Variants in TNS3 observed in about 807,000 individuals in gnomAD.
The protein encoded by TNS3 is tensin 3.
Under a neutral mutation model 140.9 loss-of-function variants are expected in TNS3, and 45 were observed. The observed-to-expected ratio is 0.32, with a 90% CI of 0.25 to 0.41. TNS3 has a LOEUF of 0.41. Ranked by LOEUF, TNS3 falls within the 10% of genes least tolerant of loss-of-function variation. The probability of loss-of-function intolerance (pLI) is 1.00; values close to 1 mark genes in which losing one functional copy is unlikely to be tolerated. For missense variants in TNS3, 1,716 were observed against 1,906.7 expected (o/e 0.90, Z 1.86); for synonymous variants, 815 against 788.4 (o/e 1.03, Z -0.56).
chr7:47,297,780 A>G (rs1322799581), intron 23 of TNS3, among the ~76,000 whole-genome samples: 1 of 151,674 alleles, frequency 6.6e-6, no homozygotes, highest in African/African-American at 2.4e-5. Context: ...CATAAAAGGA[A>G]AGAAGTTTTT....
At chr7:47,395,176 A>G (rs1033133148) in intron 16 of TNS3, among the ~76,000 whole-genome samples, 4 of 152,170 alleles carry the variant, frequency 2.6e-5, no homozygotes, top group Non-Finnish European at 5.9e-5. Context: ...CCTGTTCTCC[A>G]TGAGACTCGG....
At chr7:47,580,934 G>C (rs1029461113) in intron 1 of TNS3, among the ~76,000 whole-genome samples, 3 of 152,110 alleles carry the variant, frequency 2.0e-5, no homozygotes, top group Non-Finnish European at 2.9e-5. Context: ...AAAAAATGGG[G>C]GGAAAGCCAA....
At chr7:47,439,797 AC>A in intron 5 of TNS3, 139 bp from the exon 6 acceptor site, 1 of 828,546 alleles carries the variant, frequency 1.2e-6, no homozygotes, top group Non-Finnish European at 1.9e-6. Context: ...ACGGGAATTT[AC>A]AGTGTGTGCA....
At chr7:47,333,629 G>A (rs1229017117) in intron 20 of TNS3, among the ~76,000 whole-genome samples, 1 of 152,188 alleles carries the variant, frequency 6.6e-6, no homozygotes, top group Non-Finnish European at 1.5e-5. Context: ...AGGGAGTCGA[G>A]TACAGGAAAG....
chr7:47,360,018 C>T (rs1361520063), intron 17 of TNS3, among the ~76,000 whole-genome samples: 3 of 152,144 alleles, frequency 2.0e-5, no homozygotes, highest in East Asian at 3.9e-4. Flanking sequence ...ACCAAGGCCC[C>T]CTGCTTTGCA....
At position 47,471,694 on chromosome 7, in the gene TNS3, G is replaced by A. The variant is rs1043399815; in HGVS notation, c.-76+9409C>T. 3.3e-5 allele frequency among the ~76,000 whole-genome samples: 5 copies of A among 152,314 alleles called. No homozygotes were observed. The East Asian group carries it at 7.7e-4, about 24-fold the overall frequency. ...AGTCTGCTCCATCTGAGCAGAATGC[G>A]GCAGTTTGGAGAAGGGGCCTCAGCC... is the stretch of plus-strand genomic sequence containing the variant. On this transcript the variant is annotated intron_variant, in intron 4 of 30. Transcript: ENST00000311160.
At chr7:47,354,494 G>A (rs927128059) in intron 17 of TNS3, among the ~76,000 whole-genome samples, 2 of 152,020 alleles carry the variant, frequency 1.3e-5, no homozygotes, top group Admixed American at 6.5e-5. Context: ...GCATCTGGCT[G>A]CACCCATGGC....
At chr7:47,578,553 G>A (rs1375472258) in intron 1 of TNS3, among the ~76,000 whole-genome samples, 2 of 149,264 alleles carry the variant, frequency 1.3e-5, no homozygotes, top group Non-Finnish European at 2.9e-5. Context: ...GCATGGGGCA[G>A]GGGGTTGGGG....
At chr7:47,479,593 C>T (rs1327050183) in intron 4 of TNS3, among the ~76,000 whole-genome samples, 1 of 152,126 alleles carries the variant, frequency 6.6e-6, no homozygotes, top group African/African-American at 2.4e-5. Flanking sequence ...GGCGCCCGCC[C>T]CGGACGGCCT....
At chr7:47,517,856 C>G (rs959492184) in intron 2 of TNS3, among the ~76,000 whole-genome samples, 3 of 151,978 alleles carry the variant, frequency 2.0e-5, no homozygotes, top group African/African-American at 7.2e-5. Flanking sequence ...TCTGAAGAGA[C>G]AAGAAGAAAA....
At chr7:47,424,209 G>A (rs143468836) in intron 9 of TNS3, 25 bp from the exon 10 acceptor site, 16 of 1,612,722 alleles carry the variant, frequency 9.9e-6, no homozygotes, top group African/African-American at 2.7e-5. Context: ...GAGAGAAAGA[G>A]AGTTAACTCA....
rs559736304 is a variant in TNS3, at chr7:47,474,667, TCA to T, written c.-76+6434_-76+6435del. Among the ~76,000 whole-genome samples, 10 of 77,310 alleles carry T rather than the reference TCA, an allele frequency of 1.3e-4. No homozygotes were observed. The East Asian group carries it at 3.6e-3, about 28-fold the overall frequency. 50.7% of individuals were successfully genotyped at this position (77,310 alleles called of 152,430 possible). A position where few individuals can be genotyped will look rare whatever the true frequency, so the allele number is the denominator to read the frequency against. ...CACCACAACACACACAAAAAACACC[TCA>T]CACACACAAAACACCTCACACATAA... On this transcript the variant is annotated intron_variant, in intron 4 of 30. Transcript: ENST00000311160.
intron 1 of TNS3, among the ~76,000 whole-genome samples, chr7:47,553,557 T>C (rs1259327864): frequency 2.6e-5 from 4 of 152,174 alleles, no homozygotes; most frequent in African/African-American, 9.7e-5. Flanking sequence ...ACAACATGGT[T>C]TATTGACTAT....
At chr7:47,355,442 A>G (rs1408968139) in intron 17 of TNS3, among the ~76,000 whole-genome samples, 1 of 152,080 alleles carries the variant, frequency 6.6e-6, no homozygotes, top group Non-Finnish European at 1.5e-5. Flanking sequence ...GCCTCGTGAG[A>G]AGGGGATGCA....
chr7:47,420,860 T>C (rs571426440), intron 10 of TNS3, among the ~76,000 whole-genome samples: 3 of 152,338 alleles, frequency 2.0e-5, no homozygotes, highest in African/African-American at 7.2e-5. Context: ...CCTTATGGAT[T>C]CACTGCTGGT....
chr7:47,417,306 T>C (rs773010242), intron 10 of TNS3, among the ~76,000 whole-genome samples: 1 of 152,262 alleles, frequency 6.6e-6, no homozygotes, highest in Non-Finnish European at 1.5e-5. Context: ...TCATTTCTGC[T>C]GATGTGGCCT....
rs1584358654 is a variant in TNS3 at position 47,304,767 on chromosome 7, A to G, written c.2822+65T>C. The G allele has an allele frequency of 4.6e-6, 6 of 1,317,820 alleles. No homozygotes were observed. In the South Asian group the frequency reaches 1.4e-4, roughly 31 times the overall value. The allele number at this position is 1,317,820 out of a possible 1,614,324, so 81.6% of individuals were successfully genotyped here. A position where few individuals can be genotyped will look rare whatever the true frequency, so the allele number is the denominator to read the frequency against. On this transcript the variant is annotated intron_variant, in intron 21 of 30. Coordinates refer to ENST00000311160, the MANE Select transcript of TNS3 (RefSeq NM_022748.12). ...AAGAGCAAGCCCCCGCTGGTCCCAC[A>G]TGCCTCTCAGCATTCTGGGTCTTTA...
At chr7:47,387,701 C>T (rs1792154715) in intron 16 of TNS3, among the ~76,000 whole-genome samples, 2 of 152,230 alleles carry the variant, frequency 1.3e-5, no homozygotes, top group African/African-American at 4.8e-5. Context: ...ATGAGACAGT[C>T]TTGCATGCAT....
chr7:47,574,127 C>T (rs1405542282), intron 1 of TNS3, among the ~76,000 whole-genome samples: 3 of 152,158 alleles, frequency 2.0e-5, no homozygotes. Context: ...ACTCATAGAT[C>T]ATAGGCTCTG....
Sources: allele counts gnomAD v4.1 joint callset (sites outside exome capture counted in the v4.1 genomes callset), GRCh38; gene constraint gnomAD v4.1.1; transcripts MANE v1.5; gene names NCBI Gene and HGNC (gene_info 2026-07-23, HGNC 2026-07-21).